The following CTNNA3 variants were observed in gnomAD, a reference collection of about 807,000 sequenced individuals.
CTNNA3 encodes the protein catenin alpha 3.
Under a neutral mutation model 95.7 loss-of-function variants are expected in CTNNA3, and 76 were observed. That is an observed-to-expected ratio of 0.79 (90% CI 0.66 to 0.96). CTNNA3 has a LOEUF of 0.96. CTNNA3 is among the 40% of genes least tolerant of loss of function. The pLI is 0.00. For synonymous variants in CTNNA3, 431 were observed against 374.4 expected (o/e 1.15, Z -1.74); for missense variants, 1,191 against 1,089.8 (o/e 1.09, Z -1.31).
intron 7 of CTNNA3, among the ~76,000 whole-genome samples, chr10:67,055,306 A>C (rs929449975): frequency 1.3e-5 from 2 of 152,184 alleles, no homozygotes; most frequent in Non-Finnish European, 2.9e-5. Flanking sequence ...TTGAGTTTTC[A>C]TATTATTGGA....
rs539475541 is a variant in CTNNA3, at chr10:67,711,662, C to A, written c.-2+51772G>T. Among the ~76,000 whole-genome samples the A allele has an allele frequency of 4.6e-5, 7 of 151,610 alleles. 1 individual carries two copies. The East Asian group carries it at 9.7e-4, about 21-fold the overall frequency. On this transcript the variant is annotated intron_variant, in intron 1 of 17. Coordinates refer to the CTNNA3 transcript ENST00000684154. ...GTTAGTTACATATGTATACATGTGC[C>A]ATGCTGGTGCGCTGCACCCACTAAC...
At chr10:67,088,934 A>G (rs1054937249) in intron 7 of CTNNA3, among the ~76,000 whole-genome samples, 93 of 152,210 alleles carry the variant, frequency 6.1e-4, no homozygotes, top group African/African-American at 2.2e-3. Context: ...ATAAAAAATA[A>G]CAATACAATT....
At chr10:67,229,132 G>T (rs1463023822) in intron 5 of CTNNA3, among the ~76,000 whole-genome samples, 2 of 152,148 alleles carry the variant, frequency 1.3e-5, no homozygotes, top group Non-Finnish European at 1.5e-5. Flanking sequence ...GCTCAAGTGG[G>T]TTTCATACCA....
At chr10:66,970,978 TCTTTC>T (rs1849690465) in intron 7 of CTNNA3, among the ~76,000 whole-genome samples, 1 of 152,212 alleles carries the variant, frequency 6.6e-6, no homozygotes, top group South Asian at 2.1e-4. Context: ...TCAGTTGTTT[TCTTTC>T]CTTTCTTCTT....
intron 12 of CTNNA3, among the ~76,000 whole-genome samples, chr10:66,360,682 C>CTTTCTTTCTTTCTTTCTTTCTTTCTTT (rs1564896489): frequency 8.3e-5 from 4 of 48,050 alleles, no homozygotes; most frequent in Non-Finnish European, 1.8e-4. Flanking sequence ...TTCCTTCCTT[C>CTTTCTTTCTTTCTTTCTTTCTTTCTTT]CTTCCTTCCT....
intron 5 of CTNNA3, among the ~76,000 whole-genome samples, chr10:67,369,898 A>G (rs1843354989): frequency 6.6e-6 from 1 of 152,158 alleles, no homozygotes; most frequent in Non-Finnish European, 1.5e-5. Context: ...CTTTGGCAAT[A>G]TCTGTACAAA....
At chr10:67,521,540 CT>C (rs1019997870) in intron 5 of CTNNA3, among the ~76,000 whole-genome samples, 2 of 152,154 alleles carry the variant, frequency 1.3e-5, no homozygotes, top group African/African-American at 4.8e-5. Flanking sequence ...TAGAGACTCC[CT>C]TTATGCCTCT....
In CTNNA3 at chr10:67,597,256, G is replaced by A. The variant is rs148137189; in HGVS notation, c.292+9601C>T. Among the ~76,000 whole-genome samples the A allele has an allele frequency of 9.8e-4, 149 of 152,196 alleles. 2 individuals carry two copies. In the East Asian group the frequency reaches 0.024, roughly 24 times the overall value. On this transcript the variant is annotated intron_variant, in intron 3 of 17. Coordinates refer to ENST00000433211, the MANE Select transcript of CTNNA3 (RefSeq NM_013266.4). ...TTGCCATCCAAATTCTGAATTCTAT[G>A]CTGTCTTTCAGCCATTTCAGTTGGG...
chr10:67,253,574 C>T (rs1402333496), intron 5 of CTNNA3, among the ~76,000 whole-genome samples: 2 of 152,132 alleles, frequency 1.3e-5, no homozygotes, highest in Non-Finnish European at 2.9e-5. Flanking sequence ...CCCTCTCCTA[C>T]ACTTAAGTCA....
rs567148651 is a variant in CTNNA3 at position 65,948,214 on chromosome 10, G to C, written c.2400+18398C>G. Among the ~76,000 whole-genome samples the C allele has an allele frequency of 1.1e-4, 16 of 149,934 alleles. No individual in the cohort carries two copies. In the East Asian group the frequency reaches 3.0e-3, roughly 28 times the overall value. Reference sequence around the variant, plus strand: ...GAGAATGGCATGACCCCGGGAGGCGGAGCTTGCAGTGAGCCGAGATCATGC... The same window carrying C: ...GAGAATGGCATGACCCCGGGAGGCGCAGCTTGCAGTGAGCCGAGATCATGC... On this transcript the variant is annotated intron_variant, in intron 17 of 17. Coordinates refer to ENST00000433211, the MANE Select transcript of CTNNA3 (RefSeq NM_013266.4).
chr10:66,317,045 G>A lies in CTNNA3; in HGVS notation c.1733-36424C>T, dbSNP rs373478278. Among the ~76,000 whole-genome samples, 110 of 152,106 alleles carry A rather than the reference G, an allele frequency of 7.2e-4. 1 individual carries two copies. The South Asian group carries it at 0.014, about 20-fold the overall frequency. On this transcript the variant is annotated intron_variant, in intron 12 of 17. Transcript: ENST00000433211. ...TTCAAAAACAAATTAGTTCAGTTTC[G>A]CATTACATTCAAAATATAATTTTTT...
chr10:66,043,907 T>A (rs1411739887), intron 15 of CTNNA3, among the ~76,000 whole-genome samples: 1 of 151,978 alleles, frequency 6.6e-6, no homozygotes, highest in Non-Finnish European at 1.5e-5. Context: ...TCAAGGGACA[T>A]CAAGATGTTA....
In CTNNA3 at chr10:66,373,931, T is replaced by C. The variant is rs965856161; in HGVS notation, c.1732+5221A>G. Among the ~76,000 whole-genome samples the C allele has an allele frequency of 2.8e-4, 42 of 152,218 alleles. 1 individual carries two copies. Among genetic ancestry groups the C allele is most frequent in the African/African-American group, 9.4e-4 (39 of 41,470 alleles). ...GTGGCTAAGATCTAACTCTGGACAG[T>C]AATGAATCACTTTCTTAATCTTTTC... On this transcript the variant is annotated intron_variant, in intron 12 of 17. Coordinates refer to ENST00000433211, the MANE Select transcript of CTNNA3 (RefSeq NM_013266.4).
At chr10:67,137,750 T>A (rs543752849) in intron 7 of CTNNA3, among the ~76,000 whole-genome samples, 7 of 152,264 alleles carry the variant, frequency 4.6e-5, no homozygotes, top group African/African-American at 1.7e-4. Context: ...ATATGTTTAA[T>A]TAAATCCTTT....
intron 9 of CTNNA3, among the ~76,000 whole-genome samples, chr10:66,705,898 T>C (rs961191098): frequency 6.6e-6 from 1 of 152,064 alleles, no homozygotes; most frequent in Non-Finnish European, 1.5e-5. Context: ...AGGCATCCCT[T>C]CTAATCCTAA....
At chr10:66,591,916 G>A (rs746262562) in intron 10 of CTNNA3, among the ~76,000 whole-genome samples, 3 of 151,896 alleles carry the variant, frequency 2.0e-5, no homozygotes, top group Admixed American at 6.6e-5. Flanking sequence ...TTTATTGCCC[G>A]TATATAACCC....
chr10:67,375,869 A>G (rs938622642), intron 5 of CTNNA3, among the ~76,000 whole-genome samples: 2 of 152,256 alleles, frequency 1.3e-5, no homozygotes, highest in African/African-American at 4.8e-5. Flanking sequence ...TCATAGGCTA[A>G]CCCCCAAAGT....
chr10:66,509,822 T>C (rs1487679740), intron 11 of CTNNA3, among the ~76,000 whole-genome samples: 2 of 151,962 alleles, frequency 1.3e-5, no homozygotes, highest in Non-Finnish European at 2.9e-5. Context: ...TAACTAACTA[T>C]ATTATATTTT....
intron 2 of CTNNA3, among the ~76,000 whole-genome samples, chr10:67,642,414 T>G (rs946945841): frequency 1.3e-5 from 2 of 151,908 alleles, no homozygotes; most frequent in African/African-American, 4.8e-5. Context: ...ATGCGGCCAA[T>G]AAACATGAAA....
Sources: gnomAD v4.1 joint callset for allele counts (sites outside exome capture counted in the v4.1 genomes callset) on GRCh38, gnomAD v4.1.1 for gene constraint, MANE v1.5 for transcripts, NCBI Gene and HGNC (gene_info 2026-07-23, HGNC 2026-07-21) for gene names.